Variants in BICC1 observed in about 807,000 individuals in gnomAD.
BICC1 encodes BicC family RNA binding protein 1.
In BICC1, 43 loss-of-function variants were observed where a neutral mutation model predicts 111.0. The observed-to-expected ratio is 0.39, with a 90% confidence interval of 0.30 to 0.50. The LOEUF (loss-of-function observed/expected upper bound fraction) is 0.50, where lower values mean the gene tolerates loss of function less well. Ranked by LOEUF, BICC1 falls within the 20% of genes least tolerant of loss-of-function variation. The probability of loss-of-function intolerance (pLI) is 0.88; values close to 1 mark genes in which losing one functional copy is unlikely to be tolerated. For missense variants in BICC1, 1,091 were observed against 1,203.2 expected (o/e 0.91, Z 1.38); for synonymous variants, 467 against 434.4 (o/e 1.07, Z -0.93).
At chr10:58,817,820 C>A in intron 19 of BICC1, 98 bp downstream of exon 19, 1 of 1,222,810 alleles carries the variant, frequency 8.2e-7, no homozygotes, top group Non-Finnish European at 1.1e-6. Context: ...TATGCTTTCA[C>A]TGAGCATTTA....
intron 2 of BICC1, among the ~76,000 whole-genome samples, chr10:58,673,182 T>TTATA (rs970484846): frequency 1.3e-4 from 20 of 152,218 alleles, no homozygotes; most frequent in African/African-American, 4.6e-4. Flanking sequence ...TAATAACTTT[T>TTATA]TATAGGCTCC....
At chr10:58,815,587 G>T (rs1844062907) in intron 18 of BICC1, among the ~76,000 whole-genome samples, 1 of 151,990 alleles carries the variant, frequency 6.6e-6, no homozygotes, top group Non-Finnish European at 1.5e-5. Flanking sequence ...TAAGATGGAG[G>T]ATACATTAAT....
At chr10:58,598,682 C>T (rs1215862881) in intron 1 of BICC1, among the ~76,000 whole-genome samples, 1 of 152,180 alleles carries the variant, frequency 6.6e-6, no homozygotes, top group Non-Finnish European at 1.5e-5. Context: ...TAAAGAGCTT[C>T]TGCACAGCAA....
Position 58,513,261 on chromosome 10 carries a change from A to C in BICC1, c.118A>C (p.Thr40Pro), listed in dbSNP as rs1301467287. The C allele has an allele frequency of 6.2e-7, 1 of 1,613,118 alleles. No homozygotes were observed. Among genetic ancestry groups the C allele is most frequent in the Admixed American group, 1.7e-5 (1 of 59,978 alleles). ...CGAGGACGACTTGGTCGCCGGGGCG[A>C]CCCTGCACAGCCCGGAGTGGAGCGA... ...GSEDDLVAGATLHSPEWSEER... is the reference protein window; with the variant it reads ...GSEDDLVAGAPLHSPEWSEER... Residue 40 changes from threonine (T) to proline (P), a missense_variant, in exon 1 of 21, where the codon ACC becomes CCC. Thr to Pro is a conservative substitution (Grantham distance 38). Transcript: ENST00000373886.
rs545345530 is a variant in BICC1, at chr10:58,644,400, G to C, written c.237+23499G>C. On this transcript the variant is annotated intron_variant, in intron 2 of 20. Transcript: ENST00000373886. Reference sequence around the variant, plus strand: ...ACCTGAGACCCAGAAGTTGTGTAAGGAAGACAGTTTAGCTCTTTTGAGTCA... The same window carrying C: ...ACCTGAGACCCAGAAGTTGTGTAAGCAAGACAGTTTAGCTCTTTTGAGTCA... Among the ~76,000 whole-genome samples the C allele has an allele frequency of 6.0e-4, 92 of 152,322 alleles. 1 individual carries two copies. The highest frequency in any genetic ancestry group is 7.7e-4 in the East Asian group (4 of 5,186).
At chr10:58,698,264 A>G (rs1042917107) in intron 2 of BICC1, among the ~76,000 whole-genome samples, 3 of 152,130 alleles carry the variant, frequency 2.0e-5, no homozygotes, top group Admixed American at 2.0e-4. Flanking sequence ...TGGGGATGAC[A>G]AGAGACACGT....
At chr10:58,703,256 C>T (rs1840292786) in intron 3 of BICC1, among the ~76,000 whole-genome samples, 1 of 149,988 alleles carries the variant, frequency 6.7e-6, no homozygotes, top group Non-Finnish European at 1.5e-5. Context: ...CCTTACCCTC[C>T]CAGGCTCAAG....
At chr10:58,523,288 G>A (rs1483231061) in intron 1 of BICC1, among the ~76,000 whole-genome samples, 7 of 152,264 alleles carry the variant, frequency 4.6e-5, no homozygotes, top group South Asian at 4.1e-4. Flanking sequence ...GATGAACATC[G>A]ATGCAAAAAT....
chr10:58,639,473 C>T (rs1207000136), intron 2 of BICC1, among the ~76,000 whole-genome samples: 1 of 149,698 alleles, frequency 6.7e-6, no homozygotes. Context: ...CGGCTCACTG[C>T]AACCTCTGCC....
At chr10:58,582,666 G>C (rs530860969) in intron 1 of BICC1, among the ~76,000 whole-genome samples, 2 of 152,302 alleles carry the variant, frequency 1.3e-5, no homozygotes, top group African/African-American at 4.8e-5. Flanking sequence ...GCTAAAATTA[G>C]AAAGTTGACA....
chr10:58,742,746 C>G (rs1451498727), intron 3 of BICC1, among the ~76,000 whole-genome samples: 1 of 152,070 alleles, frequency 6.6e-6, no homozygotes, highest in South Asian at 2.1e-4. Context: ...CCAAAATTCT[C>G]TGGTCTAACT....
intron 1 of BICC1, among the ~76,000 whole-genome samples, chr10:58,607,613 T>G (rs1303494047): frequency 6.6e-6 from 1 of 152,042 alleles, no homozygotes; most frequent in Non-Finnish European, 1.5e-5. Flanking sequence ...CCCATCGGCC[T>G]CCCTCACTTT....
rs73306963 is a variant in BICC1 at position 58,828,486 on chromosome 10, A to G, written c.2795-275A>G. Among the ~76,000 whole-genome samples, 2,037 of 152,324 alleles carry G rather than the reference A, an allele frequency of 0.013. 43 individuals carry two copies. The highest frequency in any genetic ancestry group is 0.046 in the African/African-American group (1,903 of 41,560). On this transcript the variant is annotated intron_variant, in intron 20 of 20. Coordinates refer to ENST00000373886, the MANE Select transcript of BICC1 (RefSeq NM_001080512.3). ...TCCTCCAATACAGTTTACAAACTATAATAGAAACTGTTTGCTGTCAGGAGT... is the reference window on the plus strand; with the variant it reads ...TCCTCCAATACAGTTTACAAACTATGATAGAAACTGTTTGCTGTCAGGAGT...
At chr10:58,753,526 G>T (rs1446528161) in intron 3 of BICC1, among the ~76,000 whole-genome samples, 1 of 152,062 alleles carries the variant, frequency 6.6e-6, no homozygotes, top group Non-Finnish European at 1.5e-5. Context: ...TGTATATGAT[G>T]AGAGGGATCC....
chr10:58,609,691 T>C (rs1212440101), intron 1 of BICC1, among the ~76,000 whole-genome samples: 1 of 152,226 alleles, frequency 6.6e-6, no homozygotes, highest in Non-Finnish European at 1.5e-5. Flanking sequence ...GAATTCAGAC[T>C]AGTCACACTT....
chr10:58,710,382 A>G (rs1017719719), intron 3 of BICC1, among the ~76,000 whole-genome samples: 3 of 152,170 alleles, frequency 2.0e-5, no homozygotes, highest in Non-Finnish European at 4.4e-5. Context: ...ACCATTGCCA[A>G]GATTAGCTGA....
chr10:58,736,920 A>G lies in BICC1; in HGVS notation c.307+34777A>G, dbSNP rs1294266548. 1.8e-4 allele frequency among the ~76,000 whole-genome samples: 27 copies of G among 152,036 alleles called. 1 individual carries two copies. Among genetic ancestry groups the G allele is most frequent in the Admixed American group, 1.8e-3 (27 of 15,256 alleles). ...TGATTGAACAAATAAAGAAAATAGA[A>G]CTAATTTTATTTTATTTTATTTTAT... On this transcript the variant is annotated intron_variant, in intron 3 of 20. Coordinates refer to ENST00000373886, the MANE Select transcript of BICC1 (RefSeq NM_001080512.3).
At chr10:58,512,660 T>G (rs1418104951), upstream of BICC1, among the ~76,000 whole-genome samples, 9 of 152,104 alleles carry the variant, frequency 5.9e-5, no homozygotes, top group East Asian at 1.7e-3. Context: ...TGAAAGTGCA[T>G]GTATGGAAAG....
At chr10:58,650,657 T>C (rs1838418721) in intron 2 of BICC1, 1 of 152,206 alleles carries the variant, frequency 6.6e-6, no homozygotes, top group African/African-American at 2.4e-5. Flanking sequence ...TCAAGCTACT[T>C]TGTGTTACTA....
Sources: allele counts gnomAD v4.1 joint callset (sites outside exome capture counted in the v4.1 genomes callset), GRCh38; gene constraint gnomAD v4.1.1; transcripts MANE v1.5; gene names NCBI Gene and HGNC (gene_info 2026-07-23, HGNC 2026-07-21).